The following AMPH variants were observed in gnomAD, a reference collection of about 807,000 sequenced individuals.
AMPH encodes the protein amphiphysin (Stiff-Mann syndrome with breast cancer 128kD autoantigen).
Under a neutral mutation model 99.1 loss-of-function variants are expected in AMPH, and 49 were observed. The ratio of observed to expected loss-of-function variants is 0.49; its 90% confidence interval spans 0.39 to 0.63. AMPH has a LOEUF of 0.63. AMPH is among the 20% of genes least tolerant of loss of function. The probability of loss-of-function intolerance (pLI) is 0.00; values close to 1 mark genes in which losing one functional copy is unlikely to be tolerated. For synonymous variants in AMPH, 314 were observed against 317.3 expected, an observed-to-expected ratio of 0.99 and a Z score of 0.11; for missense variants, 759 against 863.4, an observed-to-expected ratio of 0.88 and a Z score of 1.52.
rs1443927075 is a variant in AMPH at position 38,436,294 on chromosome 7, A to G, written c.1112T>C (p.Val371Ala). ...PEVTPAGSAG[V>A]THSPMSQTLP... ...TACCTGAGACATGGGTGAGTGGGTC[A>G]CTCCAGCAGAACCTGCAGGTGTCAC... The change falls in exon 12 of 21, where the codon GTG becomes GCG. Residue 371 changes from valine (V) to alanine (A), a missense_variant. Transcript: ENST00000356264. The G allele has an allele frequency of 2.5e-6, 4 of 1,614,006 alleles. No individual in the cohort carries two copies. Among genetic ancestry groups the G allele is most frequent in the African/African-American group, 1.3e-5 (1 of 74,910 alleles).
At chr7:38,527,592 A>G (rs190259524) in intron 2 of AMPH, among the ~76,000 whole-genome samples, 2 of 152,218 alleles carry the variant, frequency 1.3e-5, no homozygotes, top group East Asian at 3.9e-4. Flanking sequence ...TGTTGATCTT[A>G]TATCTTGTGA....
rs550083663 is a variant in AMPH at position 38,460,773 on chromosome 7, T to C, written c.1017+510A>G. 2.0e-5 allele frequency among the ~76,000 whole-genome samples: 3 copies of C among 152,240 alleles called. No homozygotes were observed. The South Asian group carries it at 6.2e-4, about 32-fold the overall frequency. On this transcript the variant is annotated intron_variant, in intron 11 of 20. Transcript: ENST00000356264. Reference sequence around the variant, plus strand: ...CAAACATACAGTTAGATTGAACAAATAAGCCCCAATATTCAATAGCAGATT... The same window carrying C: ...CAAACATACAGTTAGATTGAACAAACAAGCCCCAATATTCAATAGCAGATT...
At chr7:38,525,040 A>T (rs1242153121) in intron 2 of AMPH, among the ~76,000 whole-genome samples, 1 of 152,050 alleles carries the variant, frequency 6.6e-6, no homozygotes, top group Non-Finnish European at 1.5e-5. Context: ...GTGAGGCAGT[A>T]TGCTTTTTCT....
At chr7:38,404,744 G>A (rs1008502955) in intron 17 of AMPH, among the ~76,000 whole-genome samples, 6 of 152,172 alleles carry the variant, frequency 3.9e-5, no homozygotes, top group African/African-American at 1.4e-4. Flanking sequence ...AGAGTGTTTT[G>A]ACACCTTCAA....
Position 38,513,330 on chromosome 7 carries a change from A to T in AMPH, c.151-9626T>A, listed in dbSNP as rs3807403. Among the ~76,000 whole-genome samples the T allele has an allele frequency of 9.8e-5, 15 of 152,328 alleles. No individual in the cohort carries two copies. The East Asian group carries it at 2.7e-3, about 27-fold the overall frequency. On this transcript the variant is annotated intron_variant, in intron 2 of 20. Transcript: ENST00000356264. ...CACAACAATTTCATACTATTTAGCA[A>T]GCTATGTGAACAGCTTTACAGGGTG...
intron 1 of AMPH, among the ~76,000 whole-genome samples, chr7:38,550,631 G>A (rs1162856506): frequency 1.3e-5 from 2 of 152,134 alleles, no homozygotes; most frequent in African/African-American, 4.8e-5. Flanking sequence ...GGCTTCCAGT[G>A]TAACCATCAC....
chr7:38,631,236 C>A (rs1444096596), intron 1 of AMPH, 47 bp downstream of exon 1: 3 of 1,491,908 alleles, frequency 2.0e-6, no homozygotes, highest in Admixed American at 2.2e-5. Context: ...TCCGGCCAAG[C>A]CCCCGCCTGG....
chr7:38,440,162 T>A (rs752833435), intron 11 of AMPH, among the ~76,000 whole-genome samples: 5 of 152,062 alleles, frequency 3.3e-5, no homozygotes, highest in Non-Finnish European at 7.4e-5. Context: ...GTGTTAAAGA[T>A]AAATTCATAA....
chr7:38,569,320 T>C (rs1215340386), intron 1 of AMPH, among the ~76,000 whole-genome samples: 2 of 151,894 alleles, frequency 1.3e-5, no homozygotes, highest in Admixed American at 6.6e-5. Flanking sequence ...TTTACAATCA[T>C]AAAAAGTATT....
intron 1 of AMPH, among the ~76,000 whole-genome samples, chr7:38,588,526 C>A (rs533955285): frequency 6.2e-4 from 94 of 152,268 alleles, no homozygotes; most frequent in African/African-American, 2.3e-3. Context: ...TACTAAATGT[C>A]TACTGTATGT....
At chr7:38,584,709 T>G (rs929737673) in intron 1 of AMPH, among the ~76,000 whole-genome samples, 2 of 152,106 alleles carry the variant, frequency 1.3e-5, no homozygotes, top group African/African-American at 2.4e-5. Context: ...GAATCAACAT[T>G]CCCAGGCATC....
chr7:38,538,873 C>G (rs1215001898), intron 1 of AMPH, among the ~76,000 whole-genome samples: 1 of 152,132 alleles, frequency 6.6e-6, no homozygotes, highest in Non-Finnish European at 1.5e-5. Context: ...TTTGAGACAG[C>G]TCTGTGGCAT....
At chr7:38,471,862 C>G (rs977772262) in intron 7 of AMPH, among the ~76,000 whole-genome samples, 1 of 151,800 alleles carries the variant, frequency 6.6e-6, no homozygotes, top group African/African-American at 2.4e-5. Context: ...ACAAAATAGT[C>G]AAAATTATTA....
At chr7:38,413,263 G>A (rs374087876) in intron 17 of AMPH, among the ~76,000 whole-genome samples, 12 of 152,056 alleles carry the variant, frequency 7.9e-5, no homozygotes, top group African/African-American at 2.9e-4. Flanking sequence ...GGTAAGTGGG[G>A]CTTAGGTGTC....
At chr7:38,572,918 C>T (rs909060528) in intron 1 of AMPH, among the ~76,000 whole-genome samples, 3 of 152,158 alleles carry the variant, frequency 2.0e-5, no homozygotes, top group Non-Finnish European at 4.4e-5. Context: ...ACCGTGGCCT[C>T]CAAGCTCCAG....
intron 1 of AMPH, among the ~76,000 whole-genome samples, chr7:38,621,644 T>C (rs1283808188): frequency 6.6e-6 from 1 of 152,158 alleles, no homozygotes; most frequent in East Asian, 1.9e-4. Context: ...TGTTAAATTA[T>C]TATATATTCA....
intron 15 of AMPH, among the ~76,000 whole-genome samples, chr7:38,426,410 A>C (rs1266288637): frequency 6.6e-6 from 1 of 152,208 alleles, no homozygotes; most frequent in Non-Finnish European, 1.5e-5. Context: ...TATTGGACAC[A>C]ACCAGCCTAT....
chr7:38,460,000 CAAAT>C (rs1266117958), intron 11 of AMPH, among the ~76,000 whole-genome samples: 1 of 151,592 alleles, frequency 6.6e-6, no homozygotes, highest in African/African-American at 2.4e-5. Context: ...ATTAAAAAAA[CAAAT>C]AATCCCATGA....
In AMPH at chr7:38,444,988, T is replaced by TCC. The variant is rs1422460270; in HGVS notation, c.1018-8601_1018-8600insGG. Among the ~76,000 whole-genome samples the TCC allele has an allele frequency of 9.5e-4, 7 of 7,400 alleles. 1 individual carries two copies. Among genetic ancestry groups the TCC allele is most frequent in the African/African-American group, 3.7e-3 (7 of 1,906 alleles). 4.9% of individuals were successfully genotyped at this position (7,400 alleles called of 152,430 possible). The stretch of plus-strand genomic sequence containing the variant: ...TGGTCCAGAAATATATCCATATATA[T>TCC]ACATATATATATATATATATATACA... On this transcript the variant is annotated intron_variant, in intron 11 of 20. Transcript: ENST00000356264.
Sources: gnomAD v4.1 joint callset for allele counts (sites outside exome capture counted in the v4.1 genomes callset) on GRCh38, gnomAD v4.1.1 for gene constraint, MANE v1.5 for transcripts, NCBI Gene and HGNC (gene_info 2026-07-23, HGNC 2026-07-21) for gene names.